The following RNF212 variants were observed in gnomAD, a reference collection of about 807,000 sequenced individuals.
RNF212 encodes the protein ring finger protein 212.
A neutral mutation model predicts 34.7 loss-of-function variants in RNF212; 33 were observed. The ratio of observed to expected loss-of-function variants is 0.95; its 90% CI spans 0.72 to 1.27. RNF212 has a LOEUF of 1.27. Among genes scored for constraint, RNF212 ranks in the 50% most tolerant of loss-of-function variants. The probability of loss-of-function intolerance (pLI) is 0.00; values close to 1 mark genes in which losing one functional copy is unlikely to be tolerated. For synonymous variants in RNF212, 140 were observed against 136.1 expected, an observed-to-expected ratio of 1.03 and a Z score of -0.20; for missense variants, 377 against 362.2, an observed-to-expected ratio of 1.04 and a Z score of -0.33.
chr4:1,098,133 G>A (rs1184115843), intron 2 of RNF212, among the ~76,000 whole-genome samples: 1 of 152,114 alleles, frequency 6.6e-6, no homozygotes, highest in Non-Finnish European at 1.5e-5. Context: ...ATGACAAGAT[G>A]TAGGAAGAAC....
intron 2 of RNF212, among the ~76,000 whole-genome samples, chr4:1,107,788 C>T (rs868294669): frequency 7.9e-5 from 12 of 152,240 alleles, no homozygotes; most frequent in African/African-American, 2.6e-4. Context: ...CTGTACTATA[C>T]GAATGTTGTG....
intron 3 of RNF212, among the ~76,000 whole-genome samples, chr4:1,091,360 G>C (rs1348083249): frequency 6.6e-6 from 1 of 152,216 alleles, no homozygotes; most frequent in African/African-American, 2.4e-5. Flanking sequence ...CTTGAACTGG[G>C]TTTCTGAGAG....
chr4:1,074,310 G>A (rs539137968), intron 8 of RNF212, among the ~76,000 whole-genome samples: 3 of 152,270 alleles, frequency 2.0e-5, no homozygotes, highest in Admixed American at 6.5e-5. Context: ...TCCTGGGCTC[G>A]CTCCTCTGGC....
intron 4 of RNF212, chr4:1,056,989 T>C: frequency 1.0e-6 from 1 of 987,852 alleles, no homozygotes; most frequent in Non-Finnish European, 1.2e-6. Context: ...TGTAGGGAAT[T>C]TGCAGAGGTG....
intron 8 of RNF212, among the ~76,000 whole-genome samples, chr4:1,078,945 A>G (rs1226149356): frequency 1.3e-5 from 2 of 151,262 alleles, no homozygotes; most frequent in Non-Finnish European, 2.9e-5. Context: ...GGGTCAACAC[A>G]GGACCAACAC....
At chr4:1,067,180 G>A (rs753493091), downstream of RNF212, among the ~76,000 whole-genome samples, 2 of 152,134 alleles carry the variant, frequency 1.3e-5, no homozygotes, top group African/African-American at 2.4e-5. Flanking sequence ...TAGTCACATT[G>A]GAGGTTAGGG....
rs1176950121 is a variant in RNF212 at position 1,072,942 on chromosome 4, T to G, written c.826A>C (p.Thr276Pro). The G allele has an allele frequency of 6.2e-7, 1 of 1,613,918 alleles. No individual in the cohort carries two copies. Among genetic ancestry groups the G allele is most frequent in the Non-Finnish European group, 8.5e-7 (1 of 1,179,916 alleles). The change falls in exon 10 of 10, where the codon ACG becomes CCG. Residue 276 changes from threonine (T) to proline (P), a missense_variant. Transcript: ENST00000433731. Reference sequence around the variant, plus strand: ...ACAGACACAGCGGGTGTTCTGAACGTGTCCAGGGTGCCCTCAGCCTGCTGG... The same window carrying G: ...ACAGACACAGCGGGTGTTCTGAACGGGTCCAGGGTGCCCTCAGCCTGCTGG... ...PFQQAEGTLD[T>P]FRTPAVSVVF...
At chr4:1,068,353 G>T (rs531843561), downstream of RNF212, among the ~76,000 whole-genome samples, 2 of 152,288 alleles carry the variant, frequency 1.3e-5, no homozygotes, top group South Asian at 4.1e-4. Flanking sequence ...TCCTTCTATT[G>T]TCTTGATTGT....
intron 4 of RNF212, chr4:1,057,153 C>G (rs1056658711): frequency 4.3e-6 from 1 of 233,394 alleles, no homozygotes; most frequent in African/African-American, 2.3e-5. Context: ...CCCCGCCCGG[C>G]GGCCAGCAGA....
At chr4:1,061,061 T>C (rs1424959426) in intron 3 of RNF212, among the ~76,000 whole-genome samples, 5 of 152,212 alleles carry the variant, frequency 3.3e-5, no homozygotes, top group Non-Finnish European at 5.9e-5. Context: ...TCAGAAAACA[T>C]TGACTCCTGA....
rs182460871 is a variant in RNF212, at chr4:1,092,778, C to T, written c.247-1940G>A. Among the ~76,000 whole-genome samples the T allele has an allele frequency of 9.9e-4, 151 of 152,344 alleles. 2 individuals carry two copies. Among genetic ancestry groups the T allele is most frequent in the African/African-American group, 3.5e-3 (145 of 41,580 alleles). Reference sequence around the variant, plus strand: ...GCCCGGTGCTCACGCGTGCTTTGCCCGCATCCTGCGAACTGGGAGGCCGCG... The same window carrying T: ...GCCCGGTGCTCACGCGTGCTTTGCCTGCATCCTGCGAACTGGGAGGCCGCG... On this transcript the variant is annotated intron_variant, in intron 3 of 9. Coordinates refer to ENST00000433731, the MANE Select transcript of RNF212 (RefSeq NM_001131034.4).
chr4:1,073,531 T>C (rs1718770135), intron 9 of RNF212, 68 bp downstream of exon 9: 3 of 1,197,560 alleles, frequency 2.5e-6, no homozygotes, highest in Non-Finnish European at 2.5e-6. Context: ...TGATTAAACA[T>C]GACCTTTCAG....
intron 8 of RNF212, 85 bp from the exon 9 acceptor site, chr4:1,073,747 A>T: frequency 1.1e-6 from 1 of 882,188 alleles, no homozygotes. Context: ...TTAGGAACAC[A>T]TTTCCCAGAA....
downstream of RNF212, among the ~76,000 whole-genome samples, chr4:1,068,493 G>C (rs28579427): frequency 2.0e-5 from 3 of 152,008 alleles, no homozygotes. Flanking sequence ...CCATCTCCTC[G>C]CTCTTCCTTT....
At chr4:1,074,683 G>C (rs1257681806) in intron 8 of RNF212, among the ~76,000 whole-genome samples, 1 of 152,286 alleles carries the variant, frequency 6.6e-6, no homozygotes, top group East Asian at 1.9e-4. Flanking sequence ...CTGCAGGCCA[G>C]CTTTCTCATG....
chr4:1,061,598 T>C (rs1223272294), intron 3 of RNF212, among the ~76,000 whole-genome samples: 3 of 152,192 alleles, frequency 2.0e-5, no homozygotes, highest in Admixed American at 6.5e-5. Context: ...TCATTGGCCA[T>C]GGGGAGCCTC....
intron 8 of RNF212, among the ~76,000 whole-genome samples, chr4:1,077,510 G>T (rs1246053083): frequency 6.6e-6 from 1 of 152,184 alleles, no homozygotes; most frequent in Non-Finnish European, 1.5e-5. Flanking sequence ...TGAAGTTATA[G>T]GCGTGAGCCC....
chr4:1,107,517 G>A lies in RNF212; in HGVS notation c.171+826C>T, dbSNP rs993435759. ...GTCACCCAGGCTGGAGTGCAGTGGC[G>A]CCATCTCACTGCAGGCTCCGCCTCC... On this transcript the variant is annotated intron_variant, in intron 2 of 9. Coordinates refer to ENST00000433731, the MANE Select transcript of RNF212 (RefSeq NM_001131034.4). Among the ~76,000 whole-genome samples the A allele has an allele frequency of 2.7e-5, 4 of 149,768 alleles. No homozygotes were observed. The East Asian group carries it at 6.0e-4, about 22-fold the overall frequency.
chr4:1,059,278 C>T (rs1717577593), intron 3 of RNF212, among the ~76,000 whole-genome samples: 1 of 152,214 alleles, frequency 6.6e-6, no homozygotes, highest in South Asian at 2.1e-4. Flanking sequence ...CGGGAGGCAT[C>T]GTAACTCCTC....
Sources: allele counts gnomAD v4.1 joint callset (sites outside exome capture counted in the v4.1 genomes callset), GRCh38; gene constraint gnomAD v4.1.1; transcripts MANE v1.5; gene names NCBI Gene and HGNC (gene_info 2026-07-23, HGNC 2026-07-21).